Variants in OSBP observed in about 807,000 individuals in gnomAD.
The protein encoded by OSBP is oxysterol binding protein, also known as oxysterol-binding protein 1.
OSBP carries 32 observed loss-of-function variants against 96.6 expected under a neutral mutation model. That is an observed-to-expected ratio of 0.33 (90% CI 0.25 to 0.45). The LOEUF (loss-of-function observed/expected upper bound fraction) is 0.45. Among genes scored for constraint, OSBP ranks in the 20% least tolerant of loss-of-function variants. The pLI is 1.00. For missense variants in OSBP, 653 were observed against 1,029.7 expected (o/e 0.63, Z 5.01); for synonymous variants, 369 against 389.6 (o/e 0.95, Z 0.62).
chr11:59,608,497 TTG>T lies in OSBP; in HGVS notation c.807_808del (p.Asn270CysfsTer17). 1 of 1,614,226 alleles carries T rather than the reference TTG, an allele frequency of 6.2e-7. No homozygotes were observed. The highest frequency in any genetic ancestry group is 8.5e-7 in the Non-Finnish European group (1 of 1,180,034). ...ATCTGCACTCACGTTGATCATGGCA[TTG>T]GATGTTATCCTAAAGAGTGTGGCTC... On this transcript the variant is annotated frameshift_variant, in exon 3 of 14. Coordinates refer to ENST00000263847, the MANE Select transcript of OSBP (RefSeq NM_002556.3). LOFTEE classifies it high-confidence loss of function.
At chr11:59,608,960 CT>C (rs941879052) in intron 2 of OSBP, among the ~76,000 whole-genome samples, 42 of 152,318 alleles carry the variant, frequency 2.8e-4, no homozygotes, top group African/African-American at 9.4e-4. Context: ...AGGCCCACCC[CT>C]AGAGACTTCA....
At chr11:59,596,695 G>C (rs182962043) in intron 7 of OSBP, among the ~76,000 whole-genome samples, 1 of 152,204 alleles carries the variant, frequency 6.6e-6, no homozygotes, top group Non-Finnish European at 1.5e-5. Context: ...AGAGGTGGGG[G>C]TCCAAGAGAG....
chr11:59,611,135 C>CAAAAAAAAAAAA (rs35074206), intron 1 of OSBP, among the ~76,000 whole-genome samples: 2 of 60,046 alleles, frequency 3.3e-5, no homozygotes, highest in African/African-American at 4.9e-5. Flanking sequence ...AACTCCGTCT[C>CAAAAAAAAAAAA]AAAAAAAAAA....
intron 2 of OSBP, among the ~76,000 whole-genome samples, chr11:59,609,729 G>A (rs937468033): frequency 3.9e-5 from 6 of 152,158 alleles, no homozygotes; most frequent in African/African-American, 9.6e-5. Flanking sequence ...GGAGAAAATC[G>A]TACCATTTTC....
rs747706199 is a variant in OSBP at position 59,576,818 on chromosome 11, T to C, written c.2268A>G (p.Lys756=). The C allele has an allele frequency of 6.2e-7, 1 of 1,614,130 alleles. No homozygotes were observed. Among genetic ancestry groups the C allele is most frequent in the East Asian group, 2.2e-5 (1 of 44,886 alleles). ...GAAGTTCATTACCATCCTCTGTGGC[T>C]TTCATAGCTTCCGCTTCTCTCTTCT... The part of the protein sequence containing the change: ...SRKKREAEAM[K]ATEDGTPYDP... The change falls in exon 13 of 14, where the codon AAA becomes AAG. Residue 756 remains lysine, a synonymous_variant. Coordinates refer to ENST00000263847, the MANE Select transcript of OSBP (RefSeq NM_002556.3).
chr11:59,579,031 C>T (rs1306815340), intron 11 of OSBP, among the ~76,000 whole-genome samples: 1 of 152,150 alleles, frequency 6.6e-6, no homozygotes. Flanking sequence ...TCTTTATCCC[C>T]ACTTCTTGCT....
chr11:59,577,147 GTGAAAAGGATCTA>G (rs1176458956), intron 12 of OSBP, 122 bp from the exon 13 acceptor site: 9 of 770,418 alleles, frequency 1.2e-5, no homozygotes, highest in Admixed American at 2.8e-5. Context: ...AACAGGATCT[GTGAAAAGGATCTA>G]GGACCATGTC....
chr11:59,594,550 T>C (rs908958892), intron 7 of OSBP, among the ~76,000 whole-genome samples: 2 of 152,240 alleles, frequency 1.3e-5, no homozygotes, highest in Non-Finnish European at 1.5e-5. Context: ...CAGAAGACTA[T>C]CATCAAATAG....
intron 11 of OSBP, among the ~76,000 whole-genome samples, chr11:59,579,491 G>C (rs1006104422): frequency 6.6e-6 from 1 of 150,796 alleles, no homozygotes; most frequent in African/African-American, 2.4e-5. Flanking sequence ...ATGCCACCAT[G>C]CCCGGCTAAT....
intron 9 of OSBP, among the ~76,000 whole-genome samples, chr11:59,584,955 T>TGGA (rs1860475726): frequency 6.6e-6 from 1 of 152,208 alleles, no homozygotes; most frequent in South Asian, 2.1e-4. Context: ...GTGCCCAGGC[T>TGGA]GGAGTGCAGT....
intron 7 of OSBP, among the ~76,000 whole-genome samples, chr11:59,599,002 CCAAA>C (rs1324168322): frequency 1.3e-5 from 2 of 152,200 alleles, no homozygotes; most frequent in African/African-American, 4.8e-5. Context: ...AGGACTGAGG[CCAAA>C]GGCAGCAGAG....
intron 1 of OSBP, among the ~76,000 whole-genome samples, chr11:59,613,351 G>T (rs911273759): frequency 6.6e-6 from 1 of 152,154 alleles, no homozygotes; most frequent in Non-Finnish European, 1.5e-5. Flanking sequence ...AGTTAAAAGT[G>T]GTAACAAATA....
At chr11:59,581,706 A>G (rs370682588) in intron 9 of OSBP, 152 bp from the exon 10 acceptor site, 6 of 516,194 alleles carry the variant, frequency 1.2e-5, no homozygotes, top group East Asian at 9.2e-5. Flanking sequence ...ACTTTCTTAA[A>G]TGTTGGAAGT....
At chr11:59,583,290 C>T (rs76381072) in intron 9 of OSBP, among the ~76,000 whole-genome samples, 16 of 151,920 alleles carry the variant, frequency 1.1e-4, no homozygotes, top group South Asian at 4.2e-4. Context: ...CCAGCCTGGA[C>T]GACAGAGCAA....
chr11:59,615,534 C>T lies in OSBP; in HGVS notation c.131G>A (p.Gly44Glu). The T allele has an allele frequency of 1.5e-6, 2 of 1,323,892 alleles. No homozygotes were observed. Among genetic ancestry groups the T allele is most frequent in the Non-Finnish European group, 1.9e-6 (2 of 1,033,214 alleles). The allele number at this position is 1,323,892 out of a possible 1,614,324, so 82.0% of individuals were successfully genotyped here. ...GGRGDAGPGS[G>E]AASGTVVAAA... ...CGCGACCACCGTCCCTGACGCGGCC[C>T]CGGAGCCTGGCCCCGCATCTCCGCG... Residue 44 changes from glycine to glutamate, a missense_variant, in exon 1 of 14, where the codon GGG becomes GAG. Gly to Glu is a moderately conservative substitution (Grantham distance 98). This residue lies in a region of OSBP where 151 missense variants were observed against 146.1 expected (regional missense o/e 1.03). Coordinates refer to ENST00000263847, the MANE Select transcript of OSBP (RefSeq NM_002556.3).
At chr11:59,615,192 G>A (rs1039190988) in intron 1 of OSBP, 111 bp downstream of exon 1, 2 of 862,154 alleles carry the variant, frequency 2.3e-6, no homozygotes, top group Non-Finnish European at 3.6e-6. Context: ...ATGACGAAAA[G>A]GGGCCTGGGG....
chr11:59,603,455 A>G (rs1860744470), intron 3 of OSBP, among the ~76,000 whole-genome samples: 1 of 152,078 alleles, frequency 6.6e-6, no homozygotes, highest in Admixed American at 6.6e-5. Context: ...TCAGAATAGA[A>G]TATCCAACTC....
At chr11:59,606,165 T>A (rs1454879837) in intron 3 of OSBP, among the ~76,000 whole-genome samples, 1 of 152,182 alleles carries the variant, frequency 6.6e-6, no homozygotes, top group African/African-American at 2.4e-5. Flanking sequence ...TAAATAGTGA[T>A]CTTCCTGAGG....
intron 9 of OSBP, among the ~76,000 whole-genome samples, chr11:59,592,839 A>C (rs1860602566): frequency 1.3e-5 from 2 of 149,822 alleles, no homozygotes. Flanking sequence ...TCTACAGTCC[A>C]GGCTGGAGTG....
Sources: gnomAD v4.1 joint callset for allele counts (sites outside exome capture counted in the v4.1 genomes callset) on GRCh38, gnomAD v4.1.1 for gene constraint, gnomAD v4.1.1 regional missense constraint, MANE v1.5 for transcripts, NCBI Gene and HGNC (gene_info 2026-07-23, HGNC 2026-07-21) for gene names.